ABCB7: variants seen among roughly 807,000 people sequenced by gnomAD.
The protein encoded by ABCB7 is iron-sulfur clusters transporter ABCB7, mitochondrial.
In ABCB7, 7 loss-of-function variants were observed where a neutral mutation model predicts 54.4. The observed-to-expected ratio is 0.13, with a 90% CI of 0.07 to 0.24. ABCB7 has a LOEUF of 0.24. ABCB7 is among the 10% of genes least tolerant of loss of function. The probability of loss-of-function intolerance (pLI) is 1.00; values close to 1 mark genes in which losing one functional copy is unlikely to be tolerated. For synonymous variants in ABCB7, 218 were observed against 207.1 expected (o/e 1.05, Z -0.45); for missense variants, 356 against 570.4 (o/e 0.62, Z 3.83).
chrX:75,104,588 C>G (rs1177661520), intron 3 of ABCB7, among the ~76,000 whole-genome samples: 6 of 110,909 alleles, frequency 5.4e-5, no homozygotes, highest in Non-Finnish European at 1.1e-4. Flanking sequence ...AACCCCAGAA[C>G]CAGGCAGATT....
intron 1 of ABCB7, among the ~76,000 whole-genome samples, chrX:75,138,535 A>G (rs1458131726): frequency 8.9e-6 from 1 of 112,179 alleles, no homozygotes; most frequent in Non-Finnish European, 1.9e-5. Flanking sequence ...AACACCTTCT[A>G]TATCACTTCA....
intron 10 of ABCB7, 44 bp downstream of exon 10, chrX:75,070,318 GGAT>G (rs763167468): frequency 8.9e-7 from 1 of 1,119,204 alleles, no homozygotes; most frequent in Non-Finnish European, 1.2e-6. Flanking sequence ...CCTACTAATA[GGAT>G]GATGTTCACA....
At chrX:75,086,922 T>C (rs2081502731) in intron 4 of ABCB7, among the ~76,000 whole-genome samples, 1 of 111,727 alleles carries the variant, frequency 9.0e-6, no homozygotes, top group South Asian at 3.8e-4. Context: ...ATTACCATTC[T>C]AAAAGCAACT....
chrX:75,059,533 T>C (rs1402751765), intron 15 of ABCB7, among the ~76,000 whole-genome samples: 1 of 109,949 alleles, frequency 9.1e-6, no homozygotes, highest in Non-Finnish European at 1.9e-5. Flanking sequence ...GGAAAAATAA[T>C]TACAGAAAAG....
intron 14 of ABCB7, among the ~76,000 whole-genome samples, chrX:75,060,931 T>A (rs2081277926): frequency 8.9e-6 from 1 of 111,924 alleles, no homozygotes; most frequent in South Asian, 3.7e-4. Context: ...ATAAGAGTTG[T>A]ACATATATTC....
intron 1 of ABCB7, among the ~76,000 whole-genome samples, 160 bp downstream of exon 1, chrX:75,155,945 T>C (rs1160181319): frequency 9.0e-6 from 1 of 111,484 alleles, no homozygotes; most frequent in Non-Finnish European, 1.9e-5. Flanking sequence ...CTTCGCCCTT[T>C]CCTCAAATTA....
At chrX:75,065,390 C>T (rs1274646274) in intron 12 of ABCB7, 149 bp from the exon 13 acceptor site, 1 of 524,675 alleles carries the variant, frequency 1.9e-6, no homozygotes, top group African/African-American at 2.4e-5. Context: ...CTGCAAAATC[C>T]CATTCCCTTC....
At chrX:75,099,207 C>G in intron 3 of ABCB7, 146 bp from the exon 4 acceptor site, 1 of 661,502 alleles carries the variant, frequency 1.5e-6, no homozygotes, top group Non-Finnish European at 2.2e-6. Flanking sequence ...TAATATCTTT[C>G]AAAATCAAAA....
At chrX:75,073,154 T>G (rs1400838027) in intron 8 of ABCB7, among the ~76,000 whole-genome samples, 1 of 111,442 alleles carries the variant, frequency 9.0e-6, no homozygotes, top group Non-Finnish European at 1.9e-5. Context: ...GAGTCTATTT[T>G]ACAGTTAACT....
intron 3 of ABCB7, among the ~76,000 whole-genome samples, chrX:75,110,981 G>A (rs777160877): frequency 1.8e-5 from 2 of 111,524 alleles, no homozygotes; most frequent in Non-Finnish European, 3.8e-5. Context: ...AGCAAAGCTG[G>A]GTTTGGTGGT....
At chrX:75,137,527 G>C (rs1294464017) in intron 1 of ABCB7, among the ~76,000 whole-genome samples, 1 of 112,306 alleles carries the variant, frequency 8.9e-6, no homozygotes, top group Non-Finnish European at 1.9e-5. Context: ...TCTCATTACT[G>C]GGTATACACC....
chrX:75,091,675 G>GA (rs61662732), intron 4 of ABCB7, among the ~76,000 whole-genome samples: 4,387 of 101,244 alleles, frequency 0.043, 209 homozygotes, highest in African/African-American at 0.14. Flanking sequence ...CAGAAAATCT[G>GA]AAAAAAAAAA....
In ABCB7 at chrX:75,053,506, T is replaced by C; in HGVS notation, c.2123A>G (p.Gln708Arg). ...ATCATGGTTCTGCACACGGCTGCTC[T>C]GTGTATGCCACATTTCTGAATAGAT... ...HSIYSEMWHTQSSRVQNHDNP... is the reference protein window; with the variant it reads ...HSIYSEMWHTRSSRVQNHDNP... Residue 708 changes from glutamine to arginine, a missense_variant, in exon 16 of 16, where the codon CAG becomes CGG. By Grantham distance (43) the Gln-to-Arg change is conservative. This residue lies in a region of ABCB7 where 241 missense variants were observed against 470.9 expected (regional missense o/e 0.51). Coordinates refer to ENST00000373394, the MANE Select transcript of ABCB7 (RefSeq NM_001271696.3). 1.7e-6 allele frequency: 2 copies of C among 1,210,650 alleles called. No individual in the cohort carries two copies. Among genetic ancestry groups the C allele is most frequent in the Non-Finnish European group, 2.2e-6 (2 of 894,611 alleles).
chrX:75,083,346 T>C (rs1004402828), intron 4 of ABCB7, among the ~76,000 whole-genome samples: 1 of 111,538 alleles, frequency 9.0e-6, no homozygotes, highest in African/African-American at 3.3e-5. Flanking sequence ...AAATCACCCC[T>C]GGTTGGGAAC....
chrX:75,068,519 T>C (rs371114974), intron 12 of ABCB7, among the ~76,000 whole-genome samples: 2 of 112,160 alleles, frequency 1.8e-5, no homozygotes, highest in African/African-American at 6.5e-5. Context: ...GCATACAAAA[T>C]TGAGGATGGC....
rs1385698526 is a variant in ABCB7 at position 75,071,764 on chromosome X, CT to C, written c.1033-82del. ...AGTGATTAGTATACTTTTCATCAGA[CT>C]TCATGTATGAATACAATTTTGTACT... is the stretch of plus-strand genomic sequence containing the variant. On this transcript the variant is annotated intron_variant, in intron 8 of 15. Transcript: ENST00000373394. 17 of 697,004 alleles carry C rather than the reference CT, an allele frequency of 2.4e-5. No homozygotes were observed. The Admixed American group carries it at 4.6e-4, about 19-fold the overall frequency. The allele number at this position is 697,004 out of a possible 1,213,427, so 57.4% of individuals were successfully genotyped here. A position where few individuals can be genotyped will look rare whatever the true frequency, so the allele number is the denominator to read the frequency against.
chrX:75,057,643 A>G lies in ABCB7; in HGVS notation c.2043+2580T>C, dbSNP rs187591745. On this transcript the variant is annotated intron_variant, in intron 15 of 15. Transcript: ENST00000373394. The stretch of plus-strand genomic sequence containing the variant: ...ATCCACTGACATTTAAGAATAGAGC[A>G]TTGAAAGGCTGACCGGAAGCTCTGT... 2.9e-3 allele frequency among the ~76,000 whole-genome samples: 325 copies of G among 111,750 alleles called. 1 individual carries two copies. Among genetic ancestry groups the G allele is most frequent in the African/African-American group, 1.0e-2 (306 of 30,750 alleles).
At chrX:75,084,399 T>C (rs755277961) in intron 4 of ABCB7, among the ~76,000 whole-genome samples, 39 of 111,730 alleles carry the variant, frequency 3.5e-4, no homozygotes, top group East Asian at 2.8e-4. Flanking sequence ...GTTGGAACAA[T>C]TGGAAAAAAA....
intron 4 of ABCB7, among the ~76,000 whole-genome samples, chrX:75,089,018 A>C (rs750707584): frequency 9.0e-6 from 1 of 111,225 alleles, no homozygotes; most frequent in East Asian, 2.8e-4. Context: ...AAGCAAGAAC[A>C]GAGTGGAATG....
Sources: allele counts gnomAD v4.1 joint callset (sites outside exome capture counted in the v4.1 genomes callset), GRCh38; gene constraint gnomAD v4.1.1; regional missense constraint gnomAD v4.1.1; transcripts MANE v1.5; gene names NCBI Gene and HGNC (gene_info 2026-07-23, HGNC 2026-07-21).